RCAN2: variants seen among roughly 807,000 people sequenced by gnomAD.
RCAN2 encodes calcipressin-2.
A neutral mutation model predicts 23.6 loss-of-function variants in RCAN2; 9 were observed. The ratio of observed to expected loss-of-function variants is 0.38; its 90% CI spans 0.23 to 0.67. The LOEUF is 0.67. Ranked by LOEUF, RCAN2 falls within the 30% of genes least tolerant of loss-of-function variation. RCAN2 has a pLI of 0.51. For synonymous variants in RCAN2, 109 were observed against 115.7 expected (o/e 0.94, Z 0.37); for missense variants, 273 against 302.3 (o/e 0.90, Z 0.72).
chr6:46,408,795 T>A (rs1376402731), intron 2 of RCAN2, among the ~76,000 whole-genome samples: 1 of 152,248 alleles, frequency 6.6e-6, no homozygotes, highest in Non-Finnish European at 1.5e-5. Flanking sequence ...TTGTTTTTAT[T>A]TTTATTTTTC....
intron 2 of RCAN2, among the ~76,000 whole-genome samples, chr6:46,309,470 T>G (rs964650601): frequency 6.6e-6 from 1 of 152,212 alleles, no homozygotes; most frequent in Non-Finnish European, 1.5e-5. Flanking sequence ...TCCTTTCTTC[T>G]AGCTAGGCTG....
At chr6:46,408,734 TA>T (rs550007209) in intron 2 of RCAN2, among the ~76,000 whole-genome samples, 2 of 152,026 alleles carry the variant, frequency 1.3e-5, no homozygotes, top group African/African-American at 4.8e-5. Flanking sequence ...AATAATAATT[TA>T]AAAAAAACTG....
chr6:46,450,724 G>T (rs1767850806), intron 2 of RCAN2, among the ~76,000 whole-genome samples: 1 of 151,930 alleles, frequency 6.6e-6, no homozygotes, highest in Non-Finnish European at 1.5e-5. Context: ...TACATGTAGA[G>T]GATAAAAATG....
intron 4 of RCAN2, among the ~76,000 whole-genome samples, chr6:46,227,541 C>G (rs989226485): frequency 7.2e-5 from 11 of 151,738 alleles, no homozygotes; most frequent in African/African-American, 2.7e-4. Flanking sequence ...GGAATTTATC[C>G]ATATCTTCTA....
chr6:46,373,193 A>G (rs1468498461), intron 2 of RCAN2, among the ~76,000 whole-genome samples: 3 of 152,240 alleles, frequency 2.0e-5, no homozygotes, highest in African/African-American at 7.2e-5. Flanking sequence ...GCTGGCAGGT[A>G]AACTAAAGCT....
chr6:46,365,138 A>C (rs1765131492), intron 2 of RCAN2, among the ~76,000 whole-genome samples: 1 of 152,150 alleles, frequency 6.6e-6, no homozygotes, highest in Non-Finnish European at 1.5e-5. Flanking sequence ...AATGTAATGC[A>C]CTTGAATTAT....
intron 2 of RCAN2, among the ~76,000 whole-genome samples, chr6:46,453,555 G>T (rs1767939640): frequency 2.6e-5 from 4 of 152,206 alleles, no homozygotes; most frequent in Admixed American, 2.6e-4. Context: ...CAGCAGAAAT[G>T]AGCATATCAG....
At chr6:46,448,885 A>G (rs1157067560) in intron 2 of RCAN2, among the ~76,000 whole-genome samples, 2 of 151,880 alleles carry the variant, frequency 1.3e-5, no homozygotes, top group African/African-American at 2.4e-5. Flanking sequence ...CTTAACATTG[A>G]AAAGATGGAA....
chr6:46,454,629 T>C (rs1462766045), intron 2 of RCAN2, among the ~76,000 whole-genome samples: 1 of 152,232 alleles, frequency 6.6e-6, no homozygotes, highest in African/African-American at 2.4e-5. Flanking sequence ...TTCACCTCCA[T>C]GGCTGTAAAA....
intron 1 of RCAN2, among the ~76,000 whole-genome samples, chr6:46,483,353 G>A (rs7755008): frequency 0.13 from 20,295 of 152,042 alleles, 1,975 homozygotes; most frequent in African/African-American, 0.24. Flanking sequence ...CTGCATACAC[G>A]TAGGGGCTAT....
At chr6:46,441,329 C>A (rs887898862) in intron 2 of RCAN2, among the ~76,000 whole-genome samples, 1 of 152,138 alleles carries the variant, frequency 6.6e-6, no homozygotes, top group African/African-American at 2.4e-5. Context: ...GATTTGGACC[C>A]CAATGCTTCT....
At chr6:46,271,185 G>C (rs1767512740) in intron 2 of RCAN2, among the ~76,000 whole-genome samples, 2 of 152,172 alleles carry the variant, frequency 1.3e-5, no homozygotes, top group Admixed American at 1.3e-4. Flanking sequence ...TATTTAATGA[G>C]AGAAAGAGAT....
chr6:46,312,260 GC>G (rs1264640120), intron 2 of RCAN2, among the ~76,000 whole-genome samples: 4 of 152,228 alleles, frequency 2.6e-5, no homozygotes, highest in African/African-American at 7.2e-5. Flanking sequence ...GGGAGTTTTA[GC>G]CCCTATGAAA....
At chr6:46,320,204 G>A (rs576919103) in intron 2 of RCAN2, among the ~76,000 whole-genome samples, 2 of 152,290 alleles carry the variant, frequency 1.3e-5, no homozygotes, top group South Asian at 4.1e-4. Flanking sequence ...TTACCCTAGT[G>A]CTCGCAAAAA....
rs529399203 is a variant in RCAN2, at chr6:46,285,806, G to A, written c.226-36910C>T. 7.2e-5 allele frequency among the ~76,000 whole-genome samples: 11 copies of A among 152,272 alleles called. No individual in the cohort carries two copies. The South Asian group carries it at 1.9e-3, about 26-fold the overall frequency. Reference sequence around the variant, plus strand: ...AAGTTCTAGGGTGCATGTGTAGGATGTGCAGATTTGTTACATAGGCCTACT... The same window carrying A: ...AAGTTCTAGGGTGCATGTGTAGGATATGCAGATTTGTTACATAGGCCTACT... On this transcript the variant is annotated intron_variant, in intron 2 of 4. Coordinates refer to ENST00000371374, the MANE Select transcript of RCAN2 (RefSeq NM_001251974.2).
At chr6:46,368,640 C>A (rs1765242255) in intron 2 of RCAN2, among the ~76,000 whole-genome samples, 1 of 151,576 alleles carries the variant, frequency 6.6e-6, no homozygotes, top group Admixed American at 6.6e-5. Context: ...CACAATAATA[C>A]ACATTTTTGT....
intron 4 of RCAN2, among the ~76,000 whole-genome samples, chr6:46,234,381 G>T (rs952008813): frequency 3.3e-5 from 5 of 152,118 alleles, no homozygotes; most frequent in African/African-American, 9.7e-5. Flanking sequence ...TTCCCTTTGG[G>T]CTTCAACTAT....
At chr6:46,474,830 G>T (rs1561920715) in intron 1 of RCAN2, among the ~76,000 whole-genome samples, 1 of 152,200 alleles carries the variant, frequency 6.6e-6, no homozygotes, top group African/African-American at 2.4e-5. Context: ...GAGTAGCTGG[G>T]AAAGAAACAT....
At chr6:46,273,902 C>G (rs4714915) in intron 2 of RCAN2, among the ~76,000 whole-genome samples, 119,077 of 151,616 alleles carry the variant, frequency 0.79, 47,052 homozygotes, top group Non-Finnish European at 0.83. Context: ...CTTTTGTGAA[C>G]AAGCCTAATC....
Sources: allele counts gnomAD v4.1 joint callset (sites outside exome capture counted in the v4.1 genomes callset), GRCh38; gene constraint gnomAD v4.1.1; transcripts MANE v1.5; gene names NCBI Gene and HGNC (gene_info 2026-07-23, HGNC 2026-07-21).